Variants in NCKAP5 observed in about 807,000 individuals in gnomAD.
The protein encoded by NCKAP5 is nck-associated protein 5.
A neutral mutation model predicts 167.0 loss-of-function variants in NCKAP5; 92 were observed. The ratio of observed to expected loss-of-function variants is 0.55; its 90% confidence interval spans 0.47 to 0.66. The LOEUF (loss-of-function observed/expected upper bound fraction) is 0.66. NCKAP5 is among the 30% of genes least tolerant of loss of function. NCKAP5 has a pLI of 0.00. For synonymous variants in NCKAP5, 891 were observed against 877.4 expected (o/e 1.02, Z -0.27); for missense variants, 2,378 against 2,315.0 (o/e 1.03, Z -0.56).
chr2:133,605,877 A>AG, the NCKAP5 span, among the ~76,000 whole-genome samples: 3 of 152,178 alleles, frequency 2.0e-5, no homozygotes, highest in Admixed American at 6.5e-5. Flanking sequence ...AATCAAGAGG[A>AG]AAAGGGGGGC....
chr2:133,594,928 TA>T, the NCKAP5 span, among the ~76,000 whole-genome samples: 1 of 152,178 alleles, frequency 6.6e-6, no homozygotes, highest in Non-Finnish European at 1.5e-5. Flanking sequence ...CTGAGCGTTT[TA>T]AGTTAAATGA....
intron 14 of NCKAP5, 80 bp from the exon 15 acceptor site, chr2:132,781,309 T>C (rs1344806921): frequency 1.5e-6 from 2 of 1,367,240 alleles, no homozygotes; most frequent in Non-Finnish European, 2.0e-6. Flanking sequence ...CTTTTTAATA[T>C]TTAAAGTAAC....
intron 11 of NCKAP5, among the ~76,000 whole-genome samples, chr2:132,804,589 T>C (rs951399791): frequency 6.6e-6 from 1 of 152,090 alleles, no homozygotes; most frequent in African/African-American, 2.4e-5. Flanking sequence ...ACTTGACCTA[T>C]TTTTACCAGA....
intron 6 of NCKAP5, among the ~76,000 whole-genome samples, chr2:133,105,162 C>T (rs1228096998): frequency 6.6e-6 from 1 of 152,170 alleles, no homozygotes; most frequent in Admixed American, 6.5e-5. Flanking sequence ...TTTAGACAAA[C>T]TTCTTATCAA....
chr2:133,519,040 C>T (rs1022822801), intron 2 of NCKAP5, among the ~76,000 whole-genome samples: 3 of 152,156 alleles, frequency 2.0e-5, no homozygotes, highest in African/African-American at 7.2e-5. Flanking sequence ...CTCTCAATTG[C>T]TCCAAGCCTG....
At chr2:133,535,758 C>CTTTTT in intron 2 of NCKAP5, among the ~76,000 whole-genome samples, 1 of 152,202 alleles carries the variant, frequency 6.6e-6, no homozygotes, top group Non-Finnish European at 1.5e-5. Flanking sequence ...TTCCCACCAA[C>CTTTTT]AGTGTAAAAT....
chr2:133,569,194 T>C (rs1688759696), upstream of NCKAP5, among the ~76,000 whole-genome samples: 1 of 151,912 alleles, frequency 6.6e-6, no homozygotes, highest in Non-Finnish European at 1.5e-5. Context: ...AAAATAAAAG[T>C]GGGCCTTTTC....
chr2:132,797,001 A>T (rs1475444595), intron 11 of NCKAP5, among the ~76,000 whole-genome samples: 1 of 152,190 alleles, frequency 6.6e-6, no homozygotes, highest in African/African-American at 2.4e-5. Flanking sequence ...AGTAGTAGTT[A>T]AAAAAATAAG....
chr2:132,716,766 G>C (rs1055609389), intron 19 of NCKAP5, among the ~76,000 whole-genome samples: 3 of 152,140 alleles, frequency 2.0e-5, no homozygotes, highest in African/African-American at 7.2e-5. Context: ...TCTTTCGACA[G>C]GAGGGTAAAC....
the NCKAP5 span, among the ~76,000 whole-genome samples, chr2:133,655,784 G>T: frequency 1.3e-5 from 2 of 152,200 alleles, no homozygotes; most frequent in Non-Finnish European, 1.5e-5. Flanking sequence ...GAATTTCAAA[G>T]ATTTCATTTA....
intron 3 of NCKAP5, among the ~76,000 whole-genome samples, chr2:133,449,751 T>C (rs1034606093): frequency 6.6e-6 from 1 of 152,188 alleles, no homozygotes; most frequent in Admixed American, 6.5e-5. Context: ...TTATGTGCTG[T>C]ATCGATTTGA....
At chr2:133,282,850 C>T (rs891634819) in intron 4 of NCKAP5, among the ~76,000 whole-genome samples, 9 of 152,190 alleles carry the variant, frequency 5.9e-5, no homozygotes, top group African/African-American at 1.9e-4. Context: ...TGACATGGTT[C>T]ATTCCTACCA....
At chr2:133,452,752 A>G (rs2151202598) in intron 3 of NCKAP5, among the ~76,000 whole-genome samples, 1 of 152,282 alleles carries the variant, frequency 6.6e-6, no homozygotes, top group African/African-American at 2.4e-5. Context: ...AGAAAAGGCA[A>G]TCAAAGCAGG....
the NCKAP5 span, among the ~76,000 whole-genome samples, chr2:133,615,862 C>T: frequency 6.6e-6 from 1 of 151,902 alleles, no homozygotes; most frequent in African/African-American, 2.4e-5. Flanking sequence ...TTTTCAGCAC[C>T]ACACCACACC....
At chr2:133,650,020 G>C in the NCKAP5 span, among the ~76,000 whole-genome samples, 1 of 152,138 alleles carries the variant, frequency 6.6e-6, no homozygotes, top group Non-Finnish European at 1.5e-5. Context: ...ATTTAGTAAA[G>C]TTATAAGATA....
At chr2:133,143,870 G>A (rs563094128) in intron 5 of NCKAP5, among the ~76,000 whole-genome samples, 31 of 152,074 alleles carry the variant, frequency 2.0e-4, no homozygotes, top group African/African-American at 7.5e-4. Context: ...GCAGAGCCAA[G>A]GTTTGAGCCC....
chr2:133,167,016 G>A (rs1194994192), intron 5 of NCKAP5, among the ~76,000 whole-genome samples: 1 of 152,086 alleles, frequency 6.6e-6, no homozygotes, highest in Non-Finnish European at 1.5e-5. Flanking sequence ...CAGCTCAAAT[G>A]CTTTCCTGTG....
chr2:133,589,650 T>A, the NCKAP5 span, among the ~76,000 whole-genome samples: 2 of 152,192 alleles, frequency 1.3e-5, no homozygotes, highest in Non-Finnish European at 2.9e-5. Flanking sequence ...TGAGGTAATG[T>A]TCAGGCACAT....
chr2:132,685,574 C>G (rs1264142089), intron 19 of NCKAP5, among the ~76,000 whole-genome samples: 2 of 152,168 alleles, frequency 1.3e-5, no homozygotes, highest in African/African-American at 4.8e-5. Flanking sequence ...GTAATGCCGT[C>G]TCTCAACAAC....
Sources: gnomAD v4.1 joint callset for allele counts (sites outside exome capture counted in the v4.1 genomes callset) on GRCh38, gnomAD v4.1.1 for gene constraint, MANE v1.5 for transcripts, NCBI Gene and HGNC (gene_info 2026-07-23, HGNC 2026-07-21) for gene names.